CENPP: variants seen among roughly 807,000 people sequenced by gnomAD.
CENPP encodes centromere protein P.
Under a neutral mutation model 35.6 loss-of-function variants are expected in CENPP, and 24 were observed. That is an observed-to-expected ratio of 0.67 (90% confidence interval 0.49 to 0.95). The LOEUF (loss-of-function observed/expected upper bound fraction) is 0.95, where lower values mean the gene tolerates loss of function less well. CENPP is among the 40% of genes least tolerant of loss of function. CENPP has a pLI of 0.00. For synonymous variants in CENPP, 120 were observed against 125.5 expected, an observed-to-expected ratio of 0.96 and a Z score of 0.29; for missense variants, 332 against 345.3, an observed-to-expected ratio of 0.96 and a Z score of 0.31.
At chr9:92,361,177 G>C (rs1047040075) in intron 4 of CENPP, among the ~76,000 whole-genome samples, 2 of 150,776 alleles carry the variant, frequency 1.3e-5, no homozygotes, top group African/African-American at 2.4e-5. Context: ...GTCACACTCT[G>C]TTGCCCAGGC....
intron 5 of CENPP, 84 bp from the exon 6 acceptor site, chr9:92,611,230 A>G (rs1851232975): frequency 1.8e-6 from 2 of 1,120,578 alleles, no homozygotes; most frequent in Non-Finnish European, 2.7e-6. Flanking sequence ...TTCGCCAGAC[A>G]CCTGGAACGG....
chr9:92,564,370 C>T (rs1849915384), intron 5 of CENPP, among the ~76,000 whole-genome samples: 1 of 149,832 alleles, frequency 6.7e-6, no homozygotes, highest in African/African-American at 2.5e-5. Context: ...GCCTGGGCAA[C>T]AGAACAAGAC....
At chr9:92,536,456 A>G (rs987554) in intron 5 of CENPP, 67,923 of 149,550 alleles carry the variant, frequency 0.45, 16,977 homozygotes, top group African/African-American at 0.71. Flanking sequence ...TCATCTGCCC[A>G]CCCACCTCGA....
At chr9:92,417,710 G>A in intron 5 of CENPP, 2 of 548,164 alleles carry the variant, frequency 3.6e-6, no homozygotes, top group Non-Finnish European at 6.0e-6. Flanking sequence ...AATGGGCAGT[G>A]CTCAAACCAA....
At chr9:92,427,691 G>T (rs1387127647) in intron 5 of CENPP, among the ~76,000 whole-genome samples, 1 of 140,548 alleles carries the variant, frequency 7.1e-6, no homozygotes, top group Non-Finnish European at 1.6e-5. Flanking sequence ...TGTTGGTCAG[G>T]CAGGTCTCGA....
intron 5 of CENPP, among the ~76,000 whole-genome samples, chr9:92,388,319 G>A (rs187887106): frequency 9.9e-5 from 15 of 151,430 alleles, no homozygotes; most frequent in Admixed American, 9.2e-4. Context: ...CCACCACCAC[G>A]CCTAGCTAAT....
At chr9:92,344,570 C>CT (rs1458009594) in intron 3 of CENPP, among the ~76,000 whole-genome samples, 2 of 151,960 alleles carry the variant, frequency 1.3e-5, no homozygotes, top group African/African-American at 4.8e-5. Context: ...CTTTTTGAGA[C>CT]TGAGTCTCGC....
chr9:92,617,759 T>G lies in CENPP; in HGVS notation c.*4610T>G. On this transcript the variant is annotated 3_prime_UTR_variant, in exon 8 of 8. Coordinates refer to ENST00000375587, the MANE Select transcript of CENPP (RefSeq NM_001012267.3). Reference sequence around the variant, plus strand: ...CGCACACTGTGTTTCAAATGGGAGGTCGAGAGGAGCATCAGGGTTTAGGCC... The same window carrying G: ...CGCACACTGTGTTTCAAATGGGAGGGCGAGAGGAGCATCAGGGTTTAGGCC... 1 of 168,762 alleles carries G rather than the reference T, an allele frequency of 5.9e-6. No homozygotes were observed. Among genetic ancestry groups the G allele is most frequent in the Non-Finnish European group, 1.3e-5 (1 of 78,106 alleles). 10.5% of individuals were successfully genotyped at this position (168,762 alleles called of 1,614,324 possible).
chr9:92,564,736 G>C (rs1849926164), intron 5 of CENPP, among the ~76,000 whole-genome samples: 1 of 152,220 alleles, frequency 6.6e-6, no homozygotes, highest in Non-Finnish European at 1.5e-5. Context: ...CATAGACCAT[G>C]ATTTATAACC....
intron 4 of CENPP, among the ~76,000 whole-genome samples, chr9:92,351,073 C>G (rs902043311): frequency 5.9e-5 from 9 of 152,148 alleles, no homozygotes; most frequent in African/African-American, 2.2e-4. Context: ...TTTACTGTGG[C>G]AAAATACTTA....
At chr9:92,565,541 T>G (rs978458314) in intron 5 of CENPP, among the ~76,000 whole-genome samples, 1 of 152,144 alleles carries the variant, frequency 6.6e-6, no homozygotes, top group African/African-American at 2.4e-5. Context: ...TGGAGTAAAC[T>G]GCAGACAATT....
chr9:92,356,802 T>A (rs1427516963), intron 4 of CENPP, among the ~76,000 whole-genome samples: 2 of 152,240 alleles, frequency 1.3e-5, no homozygotes, highest in East Asian at 3.8e-4. Context: ...AAAAGTATTA[T>A]TTGGGAACTG....
intron 5 of CENPP, among the ~76,000 whole-genome samples, chr9:92,601,610 G>T (rs1850921499): frequency 6.6e-6 from 1 of 152,220 alleles, no homozygotes; most frequent in East Asian, 1.9e-4. Flanking sequence ...TTAGGCCCGG[G>T]AAAGTCTCAG....
At chr9:92,377,768 A>G (rs1842156606) in intron 4 of CENPP, among the ~76,000 whole-genome samples, 2 of 152,144 alleles carry the variant, frequency 1.3e-5, no homozygotes, top group African/African-American at 4.8e-5. Context: ...CTGTAGTTCA[A>G]TATCCTATTG....
intron 5 of CENPP, among the ~76,000 whole-genome samples, chr9:92,538,346 G>A (rs958794489): frequency 6.6e-6 from 1 of 152,164 alleles, no homozygotes; most frequent in Non-Finnish European, 1.5e-5. Context: ...TTTGATGTAT[G>A]TAATTTAGCA....
intron 4 of CENPP, among the ~76,000 whole-genome samples, chr9:92,351,041 ATTTAACTTGT>A (rs1481328142): frequency 1.3e-5 from 2 of 152,208 alleles, no homozygotes; most frequent in Non-Finnish European, 2.9e-5. Flanking sequence ...CTTTTAGATT[ATTTAACTTGT>A]TTTCCTATTT....
chr9:92,607,729 T>A (rs1851121805), intron 5 of CENPP, among the ~76,000 whole-genome samples: 1 of 152,224 alleles, frequency 6.6e-6, no homozygotes, highest in African/African-American at 2.4e-5. Context: ...AGACATAGCA[T>A]TCCTCTTTGG....
intron 4 of CENPP, among the ~76,000 whole-genome samples, chr9:92,371,570 G>T (rs1034379990): frequency 6.6e-6 from 1 of 152,146 alleles, no homozygotes; most frequent in Non-Finnish European, 1.5e-5. Flanking sequence ...CTGATGAAAA[G>T]AATGTACATT....
chr9:92,530,578 A>T (rs1379459676), intron 5 of CENPP, among the ~76,000 whole-genome samples: 1 of 152,196 alleles, frequency 6.6e-6, no homozygotes, highest in Non-Finnish European at 1.5e-5. Context: ...GATTGTAGGT[A>T]TGTACAAATT....
Sources: gnomAD v4.1 joint callset for allele counts (sites outside exome capture counted in the v4.1 genomes callset) on GRCh38, gnomAD v4.1.1 for gene constraint, MANE v1.5 for transcripts, NCBI Gene and HGNC (gene_info 2026-07-23, HGNC 2026-07-21) for gene names.